Variants in DAB2IP observed in about 807,000 individuals in gnomAD.
DAB2IP encodes DAB2 interacting protein, also known as disabled homolog 2-interacting protein.
In DAB2IP, 28 loss-of-function variants were observed where a neutral mutation model predicts 107.2. The observed-to-expected ratio is 0.26, with a 90% CI of 0.19 to 0.36. DAB2IP has a LOEUF of 0.36. DAB2IP is among the 10% of genes least tolerant of loss of function. The pLI is 1.00. For synonymous variants in DAB2IP, 755 were observed against 706.4 expected (o/e 1.07, Z -1.09); for missense variants, 1,400 against 1,644.7 (o/e 0.85, Z 2.57).
intron 3 of DAB2IP, among the ~76,000 whole-genome samples, chr9:121,729,429 T>C (rs116245331): frequency 4.7e-4 from 72 of 152,256 alleles, no homozygotes; most frequent in African/African-American, 1.7e-3. Flanking sequence ...CCCTTAACTT[T>C]ATGACAAAAC....
exon 10 of DAB2IP, chr9:121,768,499 C>A (rs1282466350): frequency 5.0e-6 from 8 of 1,614,224 alleles, no homozygotes; most frequent in Non-Finnish European, 6.8e-6. Flanking sequence ...GACCAACATG[C>A]AGCGCTTCCT....
chr9:121,781,851 G>A (rs1835679560), intron 15 of DAB2IP, among the ~76,000 whole-genome samples: 1 of 152,176 alleles, frequency 6.6e-6, no homozygotes, highest in Non-Finnish European at 1.5e-5. Flanking sequence ...AGGAGTGAAG[G>A]CAGGCTGGTC....
intron 1 of DAB2IP, among the ~76,000 whole-genome samples, chr9:121,611,153 T>C (rs1409417455): frequency 6.6e-6 from 1 of 152,196 alleles, no homozygotes; most frequent in Non-Finnish European, 1.5e-5. Flanking sequence ...TTGTAATTTT[T>C]AGTAGAAACT....
chr9:121,580,560 G>A (rs952787391), intron 1 of DAB2IP, among the ~76,000 whole-genome samples: 1 of 151,988 alleles, frequency 6.6e-6, no homozygotes, highest in Admixed American at 6.6e-5. Context: ...TGGAGGTAGT[G>A]AACAGGCAGA....
intron 2 of DAB2IP, among the ~76,000 whole-genome samples, chr9:121,696,186 CTGCCAAT>C (rs1188668991): frequency 6.6e-6 from 1 of 152,136 alleles, no homozygotes; most frequent in Non-Finnish European, 1.5e-5. Flanking sequence ...CCACTTTTAT[CTGCCAAT>C]TTAATCCTCA....
At chr9:121,768,856 G>C (rs1319806337) in intron 10 of DAB2IP, among the ~76,000 whole-genome samples, 1 of 152,222 alleles carries the variant, frequency 6.6e-6, no homozygotes, top group Non-Finnish European at 1.5e-5. Context: ...CTGGGTACTA[G>C]AGCTGGGGTG....
intron 13 of DAB2IP, among the ~76,000 whole-genome samples, chr9:121,775,727 C>T (rs750494622): frequency 6.6e-6 from 1 of 152,312 alleles, no homozygotes; most frequent in Non-Finnish European, 1.5e-5. Context: ...TAGATTCAAA[C>T]AGAGGCTGGG....
intron 8 of DAB2IP, 145 bp downstream of exon 8, chr9:121,764,024 C>T (rs1356244769): frequency 4.8e-5 from 54 of 1,129,864 alleles, no homozygotes; most frequent in Non-Finnish European, 5.9e-5. Flanking sequence ...TTTGAGCTCT[C>T]AGGTGGGGCA....
At chr9:121,571,973 A>T (rs1829955021) in intron 1 of DAB2IP, among the ~76,000 whole-genome samples, 1 of 133,644 alleles carries the variant, frequency 7.5e-6, no homozygotes, top group African/African-American at 3.0e-5. Context: ...CTAGGTGTAA[A>T]TTGGGGTGAC....
intron 1 of DAB2IP, among the ~76,000 whole-genome samples, chr9:121,610,439 G>C (rs959415271): frequency 6.6e-6 from 1 of 152,140 alleles, no homozygotes; most frequent in East Asian, 1.9e-4. Flanking sequence ...TTGCAGATGA[G>C]GAAACTGAGT....
exon 12 of DAB2IP, chr9:121,773,431 G>A (rs1321980485): frequency 1.3e-6 from 2 of 1,555,444 alleles, no homozygotes; most frequent in South Asian, 1.3e-5. Context: ...ACCCGCCTGA[G>A]GCAGCAGTCC....
At position 121,699,452 on chromosome 9, in the gene DAB2IP, A is replaced by C. The variant is rs755793460; in HGVS notation, c.356A>C (p.Asn119Thr). Residue 119 changes from asparagine to threonine, a missense_variant, in exon 3 of 16, where the codon AAT becomes ACT. Around this residue, in one of 3 missense-constraint regions of DAB2IP, gnomAD observed 283 missense variants for 237.0 expected, o/e 1.19. Coordinates refer to ENST00000408936, the Ensembl canonical transcript of DAB2IP. The surrounding 1 kb of genome is among the most constrained non-coding windows in gnomAD (Gnocchi z 6.2). ...AGCGCCGCCGCCGCCGCCGCGGACA[A>C]TGAGAGGTGAGCCCGCCGCCGCCGC... The C allele has an allele frequency of 3.6e-6, 5 of 1,404,446 alleles. No homozygotes were observed. The highest frequency in any genetic ancestry group is 2.4e-5 in the Admixed American group (1 of 42,252). The allele number at this position is 1,404,446 out of a possible 1,614,324, so 87.0% of individuals were successfully genotyped here.
chr9:121,690,142 G>T (rs1829089804), intron 2 of DAB2IP, among the ~76,000 whole-genome samples: 1 of 152,240 alleles, frequency 6.6e-6, no homozygotes, highest in Non-Finnish European at 1.5e-5. Context: ...ATTCTCAGCA[G>T]CGTGTTGGAA....
chr9:121,730,541 G>A (rs576427256), intron 3 of DAB2IP, among the ~76,000 whole-genome samples: 3 of 152,366 alleles, frequency 2.0e-5, no homozygotes, highest in East Asian at 3.9e-4. Context: ...CCCTGGGCCA[G>A]TGTGGGTCCA....
chr9:121,773,471 G>C, exon 12 of DAB2IP: 1 of 1,517,526 alleles, frequency 6.6e-7, no homozygotes, highest in East Asian at 2.3e-5. Flanking sequence ...GCCCAGAACT[G>C]AAGCCACGGG....
chr9:121,697,765 C>A (rs750180454), intron 2 of DAB2IP, among the ~76,000 whole-genome samples: 1 of 152,182 alleles, frequency 6.6e-6, no homozygotes, highest in Non-Finnish European at 1.5e-5. Context: ...GAAGGACACG[C>A]AGAATCCCAA....
intron 1 of DAB2IP, among the ~76,000 whole-genome samples, chr9:121,652,268 G>T (rs1256966491): frequency 2.0e-5 from 3 of 152,130 alleles, no homozygotes; most frequent in African/African-American, 7.2e-5. Flanking sequence ...AGCCCAGGCC[G>T]CGGACTTCTT....
chr9:121,624,709 C>T (rs1589421629), intron 1 of DAB2IP, among the ~76,000 whole-genome samples: 1 of 152,192 alleles, frequency 6.6e-6, no homozygotes, highest in East Asian at 1.9e-4. Context: ...GCTACACCAT[C>T]TAGGTTTGTG....
chr9:121,596,142 GA>G (rs750621933), intron 1 of DAB2IP, among the ~76,000 whole-genome samples: 5 of 152,140 alleles, frequency 3.3e-5, no homozygotes, highest in Admixed American at 6.6e-5. Flanking sequence ...CCAACATGGA[GA>G]AACCCTGTCT....
Sources: allele counts gnomAD v4.1 joint callset (sites outside exome capture counted in the v4.1 genomes callset), GRCh38; gene constraint gnomAD v4.1.1; regional missense constraint gnomAD v4.1.1; non-coding constraint Gnocchi (gnomAD v3.1); transcripts MANE v1.5; gene names NCBI Gene and HGNC (gene_info 2026-07-23, HGNC 2026-07-21).